Variants in PTPRS observed in about 807,000 individuals in gnomAD.
PTPRS encodes protein tyrosine phosphatase receptor type S.
PTPRS carries 63 observed loss-of-function variants against 215.3 expected under a neutral mutation model. The observed-to-expected ratio is 0.29, with a 90% confidence interval of 0.24 to 0.36. PTPRS has a LOEUF of 0.36. PTPRS is among the 10% of genes least tolerant of loss of function. The pLI, the probability that PTPRS is intolerant of heterozygous loss-of-function variation, is 1.00. For synonymous variants in PTPRS, 1,404 were observed against 1,191.4 expected (o/e 1.18, Z -3.68); for missense variants, 2,258 against 2,825.8 (o/e 0.80, Z 4.56).
intron 6 of PTPRS, among the ~76,000 whole-genome samples, chr19:5,262,593 C>A (rs2046085926): frequency 6.6e-6 from 1 of 152,204 alleles, no homozygotes; most frequent in Admixed American, 6.5e-5. Context: ...AGGGCTAAGG[C>A]CAAGAAAAAA....
rs377106846 is a variant in PTPRS, at chr19:5,237,924, T to G, written c.1849+995A>C. ...AGCGGCTCAGATGCCCCGGCTGGAG[T>G]TGATGTTAACCCTTCGACTGATCCG... On this transcript the variant is annotated intron_variant, in intron 13 of 37. Coordinates refer to ENST00000262963, the MANE Select transcript of PTPRS (RefSeq NM_002850.4). This position sits in a 1 kb window ranked among gnomAD's most constrained non-coding sequence, Gnocchi z 4.2. Among the ~76,000 whole-genome samples, 191 of 145,102 alleles carry G rather than the reference T, an allele frequency of 1.3e-3. No homozygotes were observed. Among genetic ancestry groups the G allele is most frequent in the African/African-American group, 3.9e-3 (152 of 38,788 alleles).
chr19:5,328,307 A>C (rs1261517444), intron 1 of PTPRS, among the ~76,000 whole-genome samples: 1 of 151,784 alleles, frequency 6.6e-6, no homozygotes. Context: ...ACTGGGTTTC[A>C]CCATGTTGGC....
intron 2 of PTPRS, 72 bp from the exon 3 acceptor site, chr19:5,274,416 G>A (rs1314877512): frequency 9.4e-6 from 14 of 1,493,582 alleles, no homozygotes; most frequent in East Asian, 4.8e-5. Flanking sequence ...AAGGAGCCAC[G>A]AAAACCTGCA....
At chr19:5,207,174 T>A (rs185669533) in intron 37 of PTPRS, among the ~76,000 whole-genome samples, 380 of 152,364 alleles carry the variant, frequency 2.5e-3, no homozygotes, top group Middle Eastern at 0.02. Context: ...AACCTCTGTC[T>A]CCTGGGTTCA....
intron 20 of PTPRS, 86 bp from the exon 21 acceptor site, chr19:5,220,439 T>C (rs755715025): frequency 7.3e-6 from 8 of 1,092,998 alleles, no homozygotes; most frequent in Non-Finnish European, 1.1e-5. Context: ...GGAAGCCGTT[T>C]CTCTGAGTCT....
intron 1 of PTPRS, chr19:5,292,905 G>A (rs1421361349): frequency 6.6e-6 from 1 of 152,132 alleles, no homozygotes; most frequent in Admixed American, 6.5e-5. Context: ...AGGGGACCCT[G>A]CGGAGCATAA....
intron 1 of PTPRS, among the ~76,000 whole-genome samples, chr19:5,303,318 G>A (rs1269363611): frequency 6.6e-6 from 1 of 152,162 alleles, no homozygotes; most frequent in Non-Finnish European, 1.5e-5. Context: ...GGTCTCCAAG[G>A]CAGGGCTTGG....
chr19:5,216,152 G>T (rs376228789), intron 26 of PTPRS, among the ~76,000 whole-genome samples: 3 of 152,166 alleles, frequency 2.0e-5, no homozygotes, highest in East Asian at 3.9e-4. Flanking sequence ...GGAGTGAGGG[G>T]TCCCCATCTG....
Position 5,257,954 on chromosome 19 carries a change from G to T in PTPRS, c.706+63C>A. 1.4e-6 allele frequency: 2 copies of T among 1,430,696 alleles called. No homozygotes were observed. The highest frequency in any genetic ancestry group is 9.7e-7 in the Non-Finnish European group (1 of 1,031,928). The allele number at this position is 1,430,696 out of a possible 1,614,324, so 88.6% of individuals were successfully genotyped here. A position where few individuals can be genotyped will look rare whatever the true frequency, so the allele number is the denominator to read the frequency against. On this transcript the variant is annotated intron_variant, in intron 8 of 37. Coordinates refer to ENST00000262963, the MANE Select transcript of PTPRS (RefSeq NM_002850.4). This position sits in a 1 kb window ranked among gnomAD's most constrained non-coding sequence, Gnocchi z 4.4. ...GGGGGAGCCCGGAGGCGGTGAGCCC[G>T]AGGAGGGAGGGGGATGGGACGGGGC...
At chr19:5,251,312 A>G (rs1356345493) in intron 9 of PTPRS, among the ~76,000 whole-genome samples, 2 of 140,664 alleles carry the variant, frequency 1.4e-5, no homozygotes, top group African/African-American at 5.2e-5. Flanking sequence ...TCCCTCCGCC[A>G]CTGAGGTAGC....
At chr19:5,275,388 CT>C (rs763279011) in intron 2 of PTPRS, among the ~76,000 whole-genome samples, 60 of 119,614 alleles carry the variant, frequency 5.0e-4, no homozygotes, top group African/African-American at 1.2e-3. Context: ...TTTTTCTTTT[CT>C]TTTTTTTTTT....
At chr19:5,265,635 C>A (rs1260017156) in intron 4 of PTPRS, among the ~76,000 whole-genome samples, 6 of 152,072 alleles carry the variant, frequency 3.9e-5, no homozygotes, top group African/African-American at 1.4e-4. Context: ...AGCCACTGCA[C>A]CTGGTTGGGT....
intron 17 of PTPRS, among the ~76,000 whole-genome samples, chr19:5,225,393 G>GGAGC (rs1568414637): frequency 6.6e-6 from 1 of 152,144 alleles, no homozygotes; most frequent in East Asian, 1.9e-4. Flanking sequence ...AGGCAGAAGA[G>GGAGC]GAGCCAGCCA....
intron 1 of PTPRS, among the ~76,000 whole-genome samples, chr19:5,291,850 G>A (rs1169165934): frequency 6.6e-6 from 1 of 151,878 alleles, no homozygotes; most frequent in Non-Finnish European, 1.5e-5. Context: ...TGCCAGCCCG[G>A]CCTCTGCTGA....
At position 5,208,039 on chromosome 19, in the gene PTPRS, C is replaced by T. The variant is rs774101179; in HGVS notation, c.5661G>A (p.Thr1887=). The change falls in exon 37 of 38, where the codon ACG becomes ACA. Residue 1887 remains threonine, a synonymous_variant. Transcript: ENST00000262963. ...CGATGCTAAGCGTGATGAAGACGCC[C>T]GTCCTGCCCACGCCGGCACTGGTGG... is the stretch of plus-strand genomic sequence containing the variant. The part of the protein sequence containing the change: ...SVHCSAGVGR[T]GVFITLSIVL... 1.8e-5 allele frequency: 29 copies of T among 1,613,122 alleles called. No individual in the cohort carries two copies. The highest frequency in any genetic ancestry group is 2.2e-5 in the East Asian group (1 of 44,870).
rs182389693 is a variant in PTPRS at position 5,306,426 on chromosome 19, T to C, written c.-94-20192A>G. ...TCCCAAAGTGCTGGGATTACAGGCA[T>C]GAACTACCACACCTGGCCCAGGGTG... On this transcript the variant is annotated intron_variant, in intron 1 of 37. Coordinates refer to ENST00000262963, the MANE Select transcript of PTPRS (RefSeq NM_002850.4). 2.5e-3 allele frequency among the ~76,000 whole-genome samples: 387 copies of C among 152,212 alleles called. 2 individuals carry two copies. Among genetic ancestry groups the C allele is most frequent in the Middle Eastern group, 0.014 (4 of 294 alleles).
intron 5 of PTPRS, among the ~76,000 whole-genome samples, chr19:5,263,534 GAA>G (rs1472386935): frequency 6.6e-6 from 1 of 152,222 alleles, no homozygotes; most frequent in East Asian, 1.9e-4. Flanking sequence ...AGGGGAGAGA[GAA>G]AGCAAAAAGA....
In PTPRS at chr19:5,257,998, T is replaced by A. The variant is rs764320874; in HGVS notation, c.706+19A>T. ...ACGGGGCGGGTCCCTGCCTTTGACC[T>A]GGACGCGGCGTTCCCTACCTCGCAC... On this transcript the variant is annotated intron_variant, in intron 8 of 37. Transcript: ENST00000262963. This position sits in a 1 kb window ranked among gnomAD's most constrained non-coding sequence, Gnocchi z 4.4. 1 of 1,605,318 alleles carries A rather than the reference T, an allele frequency of 6.2e-7. No homozygotes were observed. The highest frequency in any genetic ancestry group is 1.1e-5 in the South Asian group (1 of 90,674).
intron 4 of PTPRS, among the ~76,000 whole-genome samples, chr19:5,270,447 C>T (rs998339987): frequency 2.6e-5 from 4 of 152,018 alleles, no homozygotes; most frequent in African/African-American, 9.7e-5. Flanking sequence ...GGCCCCATTA[C>T]ACCAGGCTAA....
Sources: gnomAD v4.1 joint callset for allele counts (sites outside exome capture counted in the v4.1 genomes callset) on GRCh38, gnomAD v4.1.1 for gene constraint, Gnocchi (gnomAD v3.1) non-coding constraint, MANE v1.5 for transcripts, NCBI Gene and HGNC (gene_info 2026-07-23, HGNC 2026-07-21) for gene names.